Variants in PSD3 observed in about 807,000 individuals in gnomAD.
PSD3 encodes the protein PH and SEC7 domain-containing protein 3.
In PSD3, 49 loss-of-function variants were observed where a neutral mutation model predicts 105.5. The observed-to-expected ratio is 0.46, with a 90% CI of 0.37 to 0.59. PSD3 has a LOEUF of 0.59. PSD3 is among the 20% of genes least tolerant of loss of function. The pLI, the probability that PSD3 is intolerant of heterozygous loss-of-function variation, is 0.00. For synonymous variants in PSD3, 557 were observed against 457.8 expected (o/e 1.22, Z -2.77); for missense variants, 1,561 against 1,263.8 (o/e 1.24, Z -3.57).
chr8:18,534,719 A>G lies in PSD3; in HGVS notation c.*1024T>C, dbSNP rs1032931284. The G allele has an allele frequency of 1.2e-4, 18 of 152,574 alleles. No homozygotes were observed. The highest frequency in any genetic ancestry group is 5.9e-4 in the Admixed American group (9 of 15,302). The allele number at this position is 152,574 out of a possible 1,614,324, so 9.5% of individuals were successfully genotyped here. A position where few individuals can be genotyped will look rare whatever the true frequency, so the allele number is the denominator to read the frequency against. On this transcript the variant is annotated 3_prime_UTR_variant, in exon 16 of 16. Coordinates refer to ENST00000327040, the MANE Select transcript of PSD3 (RefSeq NM_015310.4). Reference sequence around the variant, plus strand: ...TCCTTCCTTATTTTGTCTTAAGGACACAAGAAAAGCTGTTTCATTTTAGTA... The same window carrying G: ...TCCTTCCTTATTTTGTCTTAAGGACGCAAGAAAAGCTGTTTCATTTTAGTA...
At chr8:18,674,986 G>C (rs1180095576) in intron 9 of PSD3, among the ~76,000 whole-genome samples, 1 of 151,950 alleles carries the variant, frequency 6.6e-6, no homozygotes, top group Non-Finnish European at 1.5e-5. Context: ...GGGTGACAAA[G>C]TGAGACCCTG....
At chr8:18,755,964 C>G (rs750420617) in intron 9 of PSD3, among the ~76,000 whole-genome samples, 5 of 152,204 alleles carry the variant, frequency 3.3e-5, no homozygotes, top group South Asian at 2.1e-4. Context: ...AAACACGCCA[C>G]GCACCTTTCA....
At chr8:19,003,038 C>G (rs749976844) in intron 1 of PSD3, among the ~76,000 whole-genome samples, 1 of 152,014 alleles carries the variant, frequency 6.6e-6, no homozygotes, top group Non-Finnish European at 1.5e-5. Context: ...GTCTAAGCCC[C>G]TTCTAACCAC....
At chr8:18,577,483 A>C (rs1283484401) in intron 12 of PSD3, among the ~76,000 whole-genome samples, 1 of 151,836 alleles carries the variant, frequency 6.6e-6, no homozygotes, top group Non-Finnish European at 1.5e-5. Flanking sequence ...AACCTTTTCC[A>C]CTTCAAGTTC....
chr8:18,875,656 C>T (rs1817687185), intron 2 of PSD3, among the ~76,000 whole-genome samples: 1 of 152,010 alleles, frequency 6.6e-6, no homozygotes, highest in Non-Finnish European at 1.5e-5. Flanking sequence ...CCTGCCTCAG[C>T]CTCCCGAGGA....
intron 2 of PSD3, among the ~76,000 whole-genome samples, chr8:18,920,191 T>C (rs546595143): frequency 6.6e-6 from 1 of 152,132 alleles, no homozygotes; most frequent in Admixed American, 6.5e-5. Context: ...AAAACAGCAA[T>C]TCTCAACTCT....
intron 14 of PSD3, among the ~76,000 whole-genome samples, chr8:18,558,475 C>G (rs1159318398): frequency 1.3e-5 from 2 of 152,152 alleles, no homozygotes; most frequent in Non-Finnish European, 2.9e-5. Flanking sequence ...TGTACGTGCT[C>G]ATCTCATTCC....
At position 18,629,193 on chromosome 8, in the gene PSD3, G is replaced by T. The variant is rs772960991; in HGVS notation, c.2410+3420C>A. ...TCCAAAATAAGGAATATAACCAGGGGTGTCGGACGTCATTTCATGACAAAG... is the reference window on the plus strand; with the variant it reads ...TCCAAAATAAGGAATATAACCAGGGTTGTCGGACGTCATTTCATGACAAAG... On this transcript the variant is annotated intron_variant, in intron 11 of 15. Coordinates refer to ENST00000327040, the MANE Select transcript of PSD3 (RefSeq NM_015310.4). Among the ~76,000 whole-genome samples the T allele has an allele frequency of 6.6e-5, 10 of 152,086 alleles. No homozygotes were observed. In the East Asian group the frequency reaches 9.6e-4, roughly 15 times the overall value.
chr8:18,611,240 G>A (rs555807883), intron 11 of PSD3, among the ~76,000 whole-genome samples: 1 of 134,870 alleles, frequency 7.4e-6, no homozygotes, highest in Non-Finnish European at 1.6e-5. Flanking sequence ...GTAATTTAAT[G>A]TAGGATTTTG....
chr8:18,810,195 G>A (rs377357649), intron 4 of PSD3, among the ~76,000 whole-genome samples: 44 of 152,080 alleles, frequency 2.9e-4, no homozygotes, highest in African/African-American at 8.7e-4. Context: ...AAATCTCATC[G>A]CTTTCACCTA....
intron 1 of PSD3, among the ~76,000 whole-genome samples, chr8:19,049,379 G>A (rs1828436352): frequency 6.6e-6 from 1 of 152,166 alleles, no homozygotes; most frequent in Non-Finnish European, 1.5e-5. Flanking sequence ...ACCTTCATGT[G>A]CCTTTACAAT....
intron 9 of PSD3, among the ~76,000 whole-genome samples, chr8:18,741,417 T>C (rs1194486603): frequency 3.3e-5 from 5 of 152,214 alleles, no homozygotes; most frequent in African/African-American, 7.2e-5. Flanking sequence ...TTTGTTACCA[T>C]GATGATCTCA....
chr8:18,768,627 G>A (rs1385410514), intron 8 of PSD3, among the ~76,000 whole-genome samples: 1 of 152,140 alleles, frequency 6.6e-6, no homozygotes, highest in African/African-American at 2.4e-5. Flanking sequence ...AAGGGAATAT[G>A]TATACACAAC....
chr8:18,567,316 C>T (rs969600), intron 14 of PSD3, among the ~76,000 whole-genome samples: 14,986 of 151,732 alleles, frequency 0.099, 771 homozygotes, highest in South Asian at 0.21. Flanking sequence ...CCCCTTATAT[C>T]GTGTAATGTG....
At chr8:18,580,113 G>A (rs958914422) in intron 12 of PSD3, among the ~76,000 whole-genome samples, 24 of 151,966 alleles carry the variant, frequency 1.6e-4, no homozygotes, top group African/African-American at 5.1e-4. Context: ...CTGATTAGGC[G>A]TCTTTCTAAA....
intron 9 of PSD3, among the ~76,000 whole-genome samples, chr8:18,760,584 G>C (rs1304446433): frequency 6.6e-6 from 1 of 152,158 alleles, no homozygotes; most frequent in Non-Finnish European, 1.5e-5. Flanking sequence ...TCCTTTTTAA[G>C]GCCAAATAAT....
intron 14 of PSD3, among the ~76,000 whole-genome samples, chr8:18,562,563 G>A (rs1466610783): frequency 2.0e-5 from 3 of 152,098 alleles, no homozygotes; most frequent in Admixed American, 6.6e-5. Flanking sequence ...CTGGACTCAG[G>A]GTTACTCACC....
chr8:18,571,810 C>T (rs1033901507), intron 14 of PSD3, among the ~76,000 whole-genome samples: 4 of 152,174 alleles, frequency 2.6e-5, no homozygotes. Flanking sequence ...AAGAAATTCA[C>T]AAAGACATCA....
intron 9 of PSD3, among the ~76,000 whole-genome samples, chr8:18,707,425 G>C (rs1050786828): frequency 8.5e-5 from 13 of 152,122 alleles, no homozygotes; most frequent in African/African-American, 3.1e-4. Context: ...ACAGCTTCAG[G>C]GCAGGGCTTA....
Sources: gnomAD v4.1 joint callset for allele counts (sites outside exome capture counted in the v4.1 genomes callset) on GRCh38, gnomAD v4.1.1 for gene constraint, MANE v1.5 for transcripts, NCBI Gene and HGNC (gene_info 2026-07-23, HGNC 2026-07-21) for gene names.